The following ROBO1 variants were observed in gnomAD, a reference collection of about 807,000 sequenced individuals.
The protein encoded by ROBO1 is roundabout homolog 1.
A neutral mutation model predicts 195.9 loss-of-function variants in ROBO1; 149 were observed. That is an observed-to-expected ratio of 0.76 (90% CI 0.67 to 0.87). The LOEUF (loss-of-function observed/expected upper bound fraction) is 0.87. ROBO1 is among the 40% of genes least tolerant of loss of function. The probability of loss-of-function intolerance (pLI) is 0.00; values close to 1 mark genes in which losing one functional copy is unlikely to be tolerated. For synonymous variants in ROBO1, 816 were observed against 733.2 expected, an observed-to-expected ratio of 1.11 and a Z score of -1.82; for missense variants, 1,933 against 2,068.3, an observed-to-expected ratio of 0.93 and a Z score of 1.27.
chr3:79,755,037 T>C (rs1406476966), intron 1 of ROBO1, among the ~76,000 whole-genome samples: 4 of 151,954 alleles, frequency 2.6e-5, no homozygotes, highest in African/African-American at 9.7e-5. Flanking sequence ...TGCACCACCA[T>C]GCCCGGCTAA....
At chr3:79,539,134 A>G (rs1941976953) in intron 2 of ROBO1, among the ~76,000 whole-genome samples, 2 of 152,302 alleles carry the variant, frequency 1.3e-5, no homozygotes, top group South Asian at 4.1e-4. Flanking sequence ...CTTGTAAATC[A>G]TGGCAAACAA....
chr3:79,172,280 A>G (rs1440393636), intron 2 of ROBO1, among the ~76,000 whole-genome samples: 3 of 152,194 alleles, frequency 2.0e-5, no homozygotes, highest in Non-Finnish European at 2.9e-5. Flanking sequence ...TCAAATTCCT[A>G]TCATTGCAGG....
intron 2 of ROBO1, among the ~76,000 whole-genome samples, chr3:79,434,813 C>G (rs2038822855): frequency 6.6e-6 from 1 of 152,072 alleles, no homozygotes; most frequent in South Asian, 2.1e-4. Context: ...GGAACCAACC[C>G]AAATGTCCAT....
chr3:79,636,420 A>G (rs1945498231), intron 1 of ROBO1, among the ~76,000 whole-genome samples: 3 of 152,280 alleles, frequency 2.0e-5, no homozygotes, highest in Non-Finnish European at 2.9e-5. Context: ...ACTTGTTAGC[A>G]TGCTTCTCAA....
intron 21 of ROBO1, among the ~76,000 whole-genome samples, chr3:78,643,746 C>T (rs1282392260): frequency 1.3e-5 from 2 of 152,038 alleles, no homozygotes; most frequent in East Asian, 1.9e-4. Context: ...TTCAAAAGAT[C>T]GTTCTGTCTC....
At chr3:78,904,631 T>C (rs2037780703) in intron 4 of ROBO1, among the ~76,000 whole-genome samples, 1 of 151,720 alleles carries the variant, frequency 6.6e-6, no homozygotes. Context: ...ATGGCAAGAA[T>C]CATCCAAGAG....
At chr3:79,052,273 C>T (rs538439194) in intron 3 of ROBO1, among the ~76,000 whole-genome samples, 48 of 152,186 alleles carry the variant, frequency 3.2e-4, no homozygotes, top group Admixed American at 9.2e-4. Flanking sequence ...AATACGCCCT[C>T]GTCTCCTGCA....
At position 79,384,285 on chromosome 3, in the gene ROBO1, A is replaced by G. The variant is rs537562926; in HGVS notation, c.88+205539T>C. Among the ~76,000 whole-genome samples, 3 of 152,110 alleles carry G rather than the reference A, an allele frequency of 2.0e-5. No individual in the cohort carries two copies. In the South Asian group the frequency reaches 6.2e-4, roughly 32 times the overall value. On this transcript the variant is annotated intron_variant, in intron 2 of 30. Transcript: ENST00000464233. ...TCACACTGCATCTACTAAGTTTAAA[A>G]TTCTACTTTTTGAATTCTCCATCTG... is the stretch of plus-strand genomic sequence containing the variant.
intron 4 of ROBO1, among the ~76,000 whole-genome samples, chr3:78,766,265 C>A (rs2083225640): frequency 6.6e-6 from 1 of 152,098 alleles, no homozygotes; most frequent in Non-Finnish European, 1.5e-5. Flanking sequence ...GGGAACAGAG[C>A]ATCTGCCTCA....
chr3:79,431,147 G>A lies in ROBO1; in HGVS notation c.88+158677C>T, dbSNP rs569671450. ...CCTGTACTGCATATGTCAGTGTCTT[G>A]TCACCAGCAACTTGGCATGAGGGCC... On this transcript the variant is annotated intron_variant, in intron 2 of 30. Coordinates refer to ENST00000464233, the MANE Select transcript of ROBO1 (RefSeq NM_002941.4). 5.9e-5 allele frequency among the ~76,000 whole-genome samples: 9 copies of A among 152,248 alleles called. No homozygotes were observed. The South Asian group carries it at 1.9e-3, about 32-fold the overall frequency.
chr3:79,660,109 C>T (rs1383425631), intron 1 of ROBO1, among the ~76,000 whole-genome samples: 2 of 151,608 alleles, frequency 1.3e-5, no homozygotes, highest in East Asian at 3.9e-4. Context: ...TCAGGTTTAC[C>T]AAATATTTGA....
At chr3:79,449,469 T>C (rs971301398) in intron 2 of ROBO1, among the ~76,000 whole-genome samples, 10 of 152,180 alleles carry the variant, frequency 6.6e-5, no homozygotes, top group African/African-American at 1.7e-4. Flanking sequence ...AAAAAGAATA[T>C]ATTTATAGAT....
chr3:78,691,738 C>T (rs1274482178), intron 8 of ROBO1, among the ~76,000 whole-genome samples: 1 of 152,136 alleles, frequency 6.6e-6, no homozygotes, highest in East Asian at 1.9e-4. Flanking sequence ...TTCTCCCAAA[C>T]CTCACAAACA....
At chr3:79,611,351 C>A (rs1299112625) in intron 1 of ROBO1, among the ~76,000 whole-genome samples, 1 of 151,720 alleles carries the variant, frequency 6.6e-6, no homozygotes, top group African/African-American at 2.4e-5. Flanking sequence ...ATAGAAAACC[C>A]AGAAAATTCA....
chr3:79,408,609 A>T (rs1196518221), intron 2 of ROBO1, among the ~76,000 whole-genome samples: 1 of 152,108 alleles, frequency 6.6e-6, no homozygotes, highest in African/African-American at 2.4e-5. Context: ...GGTCTTTATC[A>T]GTTCTTGTCT....
intron 2 of ROBO1, among the ~76,000 whole-genome samples, chr3:79,272,000 G>A (rs1034103303): frequency 6.6e-6 from 1 of 152,006 alleles, no homozygotes; most frequent in African/African-American, 2.4e-5. Context: ...AAATGAGTGC[G>A]TGGGGTGGTT....
chr3:78,681,499 C>A (rs934259000), intron 10 of ROBO1, among the ~76,000 whole-genome samples: 1 of 152,130 alleles, frequency 6.6e-6, no homozygotes, highest in Non-Finnish European at 1.5e-5. Flanking sequence ...AGGATGCAAT[C>A]TATGTTTATA....
intron 2 of ROBO1, among the ~76,000 whole-genome samples, chr3:79,472,600 G>C (rs538051142): frequency 2.6e-5 from 4 of 152,140 alleles, no homozygotes; most frequent in Non-Finnish European, 5.9e-5. Flanking sequence ...AGCAAAGAAG[G>C]AGAGAAAAGC....
At chr3:78,879,336 G>A (rs1163337905) in intron 4 of ROBO1, among the ~76,000 whole-genome samples, 1 of 152,076 alleles carries the variant, frequency 6.6e-6, no homozygotes, top group East Asian at 1.9e-4. Flanking sequence ...GGGAGCATGT[G>A]TATGTCTACA....
Sources: allele counts gnomAD v4.1 joint callset (sites outside exome capture counted in the v4.1 genomes callset), GRCh38; gene constraint gnomAD v4.1.1; transcripts MANE v1.5; gene names NCBI Gene and HGNC (gene_info 2026-07-23, HGNC 2026-07-21).